PLAC1: variants seen among roughly 807,000 people sequenced by gnomAD.
The protein encoded by PLAC1 is placenta associated 1.
For missense variants in PLAC1, 136 were observed against 163.2 expected (o/e 0.83, Z 0.91); for synonymous variants, 68 against 62.1 (o/e 1.09, Z -0.44).
chrX:134,595,017 G>A (rs982830583), intron 2 of PLAC1, among the ~76,000 whole-genome samples: 1 of 108,228 alleles, frequency 9.2e-6, no homozygotes, highest in African/African-American at 3.3e-5. Context: ...CCCTTTCAAC[G>A]TGGCTTTTAC....
At chrX:134,602,368 C>T (rs768958134) in intron 1 of PLAC1, among the ~76,000 whole-genome samples, 23 of 112,076 alleles carry the variant, frequency 2.1e-4, no homozygotes, top group Non-Finnish European at 4.1e-4. Context: ...TGAAAAATCA[C>T]ACCCTCAAAT....
intron 2 of PLAC1, among the ~76,000 whole-genome samples, chrX:134,684,794 G>A (rs776430191): frequency 1.1e-3 from 119 of 112,049 alleles, no homozygotes; most frequent in Admixed American, 2.8e-3. Context: ...ATGGCTGGAG[G>A]GGGGAGATAA....
intron 1 of PLAC1, among the ~76,000 whole-genome samples, chrX:134,636,385 T>C (rs2078283503): frequency 8.9e-6 from 1 of 111,797 alleles, no homozygotes; most frequent in South Asian, 3.7e-4. Context: ...CAGGATCCAA[T>C]TGCCATATAA....
upstream of PLAC1, among the ~76,000 whole-genome samples, chrX:134,658,938 C>T (rs2078405280): frequency 9.0e-6 from 1 of 111,692 alleles, no homozygotes; most frequent in African/African-American, 3.3e-5. Context: ...CCTTTGTCCC[C>T]AGTTCTCTCA....
At position 134,727,382 on chromosome X, in the gene PLAC1, T is replaced by C. The variant is rs759529688; in HGVS notation, n.174+6053A>G. Among the ~76,000 whole-genome samples, 7 of 112,234 alleles carry C rather than the reference T, an allele frequency of 6.2e-5. No homozygotes were observed. In the South Asian group the frequency reaches 2.6e-3, roughly 41 times the overall value. On this transcript the variant is annotated intron_variant and non_coding_transcript_variant, in intron 2 of 2. Coordinates refer to the PLAC1 transcript ENST00000466797. Reference sequence around the variant, plus strand: ...CTCATTCTGACATAAAGGCAGATAATGAATGCTGATTTGCCTTGTAATTTA... The same window carrying C: ...CTCATTCTGACATAAAGGCAGATAACGAATGCTGATTTGCCTTGTAATTTA...
At chrX:134,704,327 C>T (rs1476958445) in intron 2 of PLAC1, among the ~76,000 whole-genome samples, 1 of 106,733 alleles carries the variant, frequency 9.4e-6, no homozygotes, top group South Asian at 4.2e-4. Context: ...AACCCTGTCT[C>T]TATAAAAATA....
chrX:134,732,139 T>TA (rs1042998231), intron 2 of PLAC1, among the ~76,000 whole-genome samples: 1 of 110,458 alleles, frequency 9.1e-6, no homozygotes, highest in African/African-American at 3.3e-5. Flanking sequence ...GGCTGGTGTG[T>TA]ACATCCTCTG....
At chrX:134,725,826 A>C (rs1473644704) in intron 2 of PLAC1, among the ~76,000 whole-genome samples, 1 of 111,231 alleles carries the variant, frequency 9.0e-6, no homozygotes, top group African/African-American at 3.3e-5. Flanking sequence ...GTGAAACCCT[A>C]TCTCTACTAA....
intron 1 of PLAC1, among the ~76,000 whole-genome samples, chrX:134,620,289 C>A (rs1473899073): frequency 8.9e-6 from 1 of 112,276 alleles, no homozygotes; most frequent in East Asian, 2.8e-4. Context: ...AACTAGAGGT[C>A]CCATTGTTCT....
intron 2 of PLAC1, among the ~76,000 whole-genome samples, chrX:134,590,788 G>C (rs1368898613): frequency 9.1e-6 from 1 of 110,391 alleles, no homozygotes; most frequent in Non-Finnish European, 1.9e-5. Flanking sequence ...TGTATTTTTA[G>C]TAGAGACCGG....
At chrX:134,646,458 T>C (rs2078333980) in intron 1 of PLAC1, among the ~76,000 whole-genome samples, 1 of 112,530 alleles carries the variant, frequency 8.9e-6, no homozygotes, top group South Asian at 3.7e-4. Context: ...ATTTTGCTGG[T>C]GACTTACATT....
chrX:134,592,828 C>A (rs1363902760), intron 2 of PLAC1, among the ~76,000 whole-genome samples: 1 of 106,810 alleles, frequency 9.4e-6, no homozygotes, highest in Non-Finnish European at 1.9e-5. Flanking sequence ...CAGGTTCATG[C>A]CATTCTCCTG....
intron 1 of PLAC1, among the ~76,000 whole-genome samples, chrX:134,636,011 A>G (rs1368265862): frequency 3.6e-5 from 4 of 112,198 alleles, no homozygotes; most frequent in African/African-American, 1.3e-4. Context: ...TGCCTTCGAT[A>G]ATGACACTAG....
intron 1 of PLAC1, chrX:134,605,904 T>G (rs2078120163): frequency 8.9e-6 from 1 of 111,869 alleles, no homozygotes; most frequent in Admixed American, 9.4e-5. Context: ...AGCCTCAAAC[T>G]TGAGGAAGGA....
At chrX:134,759,678 A>G (rs1228167749) in intron 1 of PLAC1, among the ~76,000 whole-genome samples, 2 of 112,377 alleles carry the variant, frequency 1.8e-5, no homozygotes, top group African/African-American at 6.5e-5. Context: ...ATGTCCATCA[A>G]CAGATGAATG....
intron 1 of PLAC1, chrX:134,650,965 C>T: frequency 4.3e-6 from 1 of 231,435 alleles, no homozygotes; most frequent in Admixed American, 3.8e-5. Flanking sequence ...CTGAATATCA[C>T]AGCAGCCAAG....
At chrX:134,580,030 T>G (rs1370932127) in intron 2 of PLAC1, among the ~76,000 whole-genome samples, 1 of 112,182 alleles carries the variant, frequency 8.9e-6, no homozygotes, top group Non-Finnish European at 1.9e-5. Flanking sequence ...TGGAGCACCC[T>G]TGGGAGTAGA....
Position 134,735,902 on chromosome X carries a change from A to G in PLAC1, n.90-2383T>C, listed in dbSNP as rs1457612907. On this transcript the variant is annotated intron_variant and non_coding_transcript_variant, in intron 1 of 2. Transcript: ENST00000466797. ...CCCAGTAGTTGAAAGGCTAAAAACAAAAAGTGGGCAGTGGGTAAGTTCAGA... is the reference window on the plus strand; with the variant it reads ...CCCAGTAGTTGAAAGGCTAAAAACAGAAAGTGGGCAGTGGGTAAGTTCAGA... 1.7e-4 allele frequency among the ~76,000 whole-genome samples: 18 copies of G among 108,770 alleles called. No homozygotes were observed. In the Admixed American group the frequency reaches 1.8e-3, roughly 11 times the overall value. 94.5% of individuals were successfully genotyped at this position (108,770 alleles called of 115,157 possible). A position where few individuals can be genotyped will look rare whatever the true frequency, so the allele number is the denominator to read the frequency against.
chrX:134,677,680 C>T (rs2078480138), intron 2 of PLAC1, among the ~76,000 whole-genome samples: 1 of 111,641 alleles, frequency 9.0e-6, no homozygotes, highest in Non-Finnish European at 1.9e-5. Context: ...CACATAATGG[C>T]GGCCATGGCA....
Sources: allele counts gnomAD v4.1 joint callset (sites outside exome capture counted in the v4.1 genomes callset), GRCh38; gene constraint gnomAD v4.1.1; transcripts MANE v1.5; gene names NCBI Gene and HGNC (gene_info 2026-07-23, HGNC 2026-07-21).